The following PCDHA1 variants were observed in gnomAD, a reference collection of about 807,000 sequenced individuals.
PCDHA1 encodes protocadherin alpha-1.
In PCDHA1, 42 loss-of-function variants were observed where a neutral mutation model predicts 61.3. The observed-to-expected ratio is 0.69, with a 90% CI of 0.54 to 0.89. PCDHA1 has a LOEUF of 0.89. Ranked by LOEUF, PCDHA1 falls within the 40% of genes least tolerant of loss-of-function variation. The pLI is 0.00. For missense variants in PCDHA1, 1,256 were observed against 1,235.3 expected, an observed-to-expected ratio of 1.02 and a Z score of -0.25; for synonymous variants, 610 against 553.8, an observed-to-expected ratio of 1.10 and a Z score of -1.43.
intron 1 of PCDHA1, among the ~76,000 whole-genome samples, chr5:140,878,596 G>A (rs1352519824): frequency 6.6e-6 from 1 of 152,144 alleles, no homozygotes; most frequent in South Asian, 2.1e-4. Context: ...CTATTACCAA[G>A]TGAATCTTCT....
chr5:140,823,827 C>T (rs1554129619), intron 1 of PCDHA1: 4 of 1,613,688 alleles, frequency 2.5e-6, no homozygotes, highest in Non-Finnish European at 2.5e-6. Context: ...CGTCGGCGGG[C>T]GCTGTGGGTC....
intron 1 of PCDHA1, chr5:140,926,327 A>AGAGCGCCGGGACCC (rs1363803647): frequency 6.6e-6 from 1 of 152,258 alleles, no homozygotes; most frequent in African/African-American, 2.4e-5. Context: ...CGCCGGGGTC[A>AGAGCGCCGGGACCC]GAGCGCCGGG....
At chr5:140,789,229 C>T (rs2149899445) in intron 1 of PCDHA1, among the ~76,000 whole-genome samples, 1 of 152,296 alleles carries the variant, frequency 6.6e-6, no homozygotes, top group East Asian at 1.9e-4. Context: ...GAGGGCGTAT[C>T]ACCTGAGATC....
intron 1 of PCDHA1, chr5:140,823,705 CA>C: frequency 1.2e-6 from 2 of 1,613,974 alleles, no homozygotes; most frequent in Non-Finnish European, 1.7e-6. Context: ...AGCACCGCGC[CA>C]CCGCCTTCTG....
chr5:140,836,619 G>A (rs1272044084), intron 1 of PCDHA1: 3 of 1,613,602 alleles, frequency 1.9e-6, no homozygotes, highest in Non-Finnish European at 2.5e-6. Context: ...CAGCGCGGTG[G>A]GGAGCTGGTC....
intron 1 of PCDHA1, among the ~76,000 whole-genome samples, chr5:140,977,165 T>C (rs921089293): frequency 1.3e-5 from 2 of 152,156 alleles, no homozygotes; most frequent in Non-Finnish European, 2.9e-5. Context: ...TTCAGCAAAA[T>C]GAGTTTGATG....
chr5:140,855,356 T>C (rs892931539), intron 1 of PCDHA1, among the ~76,000 whole-genome samples: 1 of 149,998 alleles, frequency 6.7e-6, no homozygotes, highest in African/African-American at 2.4e-5. Context: ...GTCATGTGGC[T>C]AGTGAGTAGG....
At chr5:140,821,649 T>G in intron 1 of PCDHA1, 1 of 1,086,066 alleles carries the variant, frequency 9.2e-7, no homozygotes, top group East Asian at 2.6e-5. Flanking sequence ...GAACCTTCCA[T>G]TTTTGGCTGT....
At chr5:140,850,674 C>T in intron 1 of PCDHA1, 1 of 1,598,338 alleles carries the variant, frequency 6.3e-7, no homozygotes, top group Non-Finnish European at 8.6e-7. Context: ...CTCGGCGATG[C>T]CCACCGAGGG....
intron 1 of PCDHA1, chr5:140,830,254 G>A: frequency 6.2e-7 from 1 of 1,613,692 alleles, no homozygotes; most frequent in East Asian, 2.2e-5. Flanking sequence ...ACACAGCGCT[G>A]CGGTGCTCGG....
chr5:140,968,328 A>AT (rs1554230627), intron 1 of PCDHA1: 1 of 1,614,076 alleles, frequency 6.2e-7, no homozygotes, highest in South Asian at 1.1e-5. Flanking sequence ...GTCACCTCCT[A>AT]TGTCTCCATT....
At chr5:141,008,015 T>C (rs2098356412) in intron 3 of PCDHA1, among the ~76,000 whole-genome samples, 1 of 152,088 alleles carries the variant, frequency 6.6e-6, no homozygotes. Flanking sequence ...TTCTGTTTCC[T>C]TTTTTTTCTT....
At chr5:140,878,461 T>G (rs1274651575) in intron 1 of PCDHA1, among the ~76,000 whole-genome samples, 1 of 152,230 alleles carries the variant, frequency 6.6e-6, no homozygotes, top group Non-Finnish European at 1.5e-5. Context: ...TGAAATATAA[T>G]AAAATCATTT....
chr5:140,823,403 C>T (rs2150125598), intron 1 of PCDHA1: 1 of 1,613,188 alleles, frequency 6.2e-7, no homozygotes. Flanking sequence ...GGCGTGCCGC[C>T]TCTGGGCAGC....
At chr5:140,937,399 T>C (rs2091517737) in intron 1 of PCDHA1, among the ~76,000 whole-genome samples, 1 of 152,226 alleles carries the variant, frequency 6.6e-6, no homozygotes, top group African/African-American at 2.4e-5. Context: ...TATAGGGGTA[T>C]TGCACAACTT....
At chr5:140,821,492 A>G (rs2150109637) in intron 1 of PCDHA1, 154 of 305,448 alleles carry the variant, frequency 5.0e-4, no homozygotes, top group Middle Eastern at 9.3e-4. Context: ...CTTGAGAAAT[A>G]TTGACGAATA....
chr5:140,914,262 G>A (rs1583899691), intron 1 of PCDHA1, among the ~76,000 whole-genome samples: 1 of 152,008 alleles, frequency 6.6e-6, no homozygotes, highest in Non-Finnish European at 1.5e-5. Flanking sequence ...CTTCAATGGT[G>A]GGTGCATATA....
At chr5:140,831,351 C>T (rs1307103488) in intron 1 of PCDHA1, 1 of 129,732 alleles carries the variant, frequency 7.7e-6, no homozygotes, top group African/African-American at 3.0e-5. Flanking sequence ...TTAAACTATT[C>T]ACTATTTTGT....
intron 1 of PCDHA1, among the ~76,000 whole-genome samples, chr5:140,971,134 G>A (rs1387380195): frequency 6.6e-6 from 1 of 152,170 alleles, no homozygotes; most frequent in African/African-American, 2.4e-5. Context: ...GTGGTGAAGA[G>A]GCATGAACAA....
Sources: gnomAD v4.1 joint callset for allele counts (sites outside exome capture counted in the v4.1 genomes callset) on GRCh38, gnomAD v4.1.1 for gene constraint, MANE v1.5 for transcripts, NCBI Gene and HGNC (gene_info 2026-07-23, HGNC 2026-07-21) for gene names.